Variants in FBP1 observed in about 807,000 individuals in gnomAD.
The protein encoded by FBP1 is fructose-bisphosphatase 1, also known as fructose-1,6-bisphosphatase 1.
Under a neutral mutation model 29.9 loss-of-function variants are expected in FBP1, and 22 were observed. That is an observed-to-expected ratio of 0.74 (90% CI 0.53 to 1.05). The LOEUF is 1.05. Ranked by LOEUF, FBP1 falls within the 50% of genes least tolerant of loss-of-function variation. The probability of loss-of-function intolerance (pLI) is 0.00; values close to 1 mark genes in which losing one functional copy is unlikely to be tolerated. For synonymous variants in FBP1, 175 were observed against 178.6 expected (o/e 0.98, Z 0.16); for missense variants, 345 against 448.2 (o/e 0.77, Z 2.08).
At chr9:94,615,968 C>T (rs1285794489) in intron 3 of FBP1, among the ~76,000 whole-genome samples, 1 of 152,068 alleles carries the variant, frequency 6.6e-6, no homozygotes, top group Admixed American at 6.6e-5. Flanking sequence ...CCTGGGACTA[C>T]AGGCGCCCGC....
At chr9:94,638,635 G>A (rs201419601) in intron 1 of FBP1, among the ~76,000 whole-genome samples, 1 of 41,626 alleles carries the variant, frequency 2.4e-5, no homozygotes, top group South Asian at 4.6e-4. Flanking sequence ...CGGGGGGGGC[G>A]GGGGGGACAC....
intron 3 of FBP1, among the ~76,000 whole-genome samples, chr9:94,610,932 C>T (rs1042770831): frequency 3.3e-5 from 5 of 150,552 alleles, no homozygotes; most frequent in Admixed American, 6.7e-5. Flanking sequence ...GGTGCTATCT[C>T]GGCTCACTGC....
At chr9:94,629,285 T>G (rs147875017) in intron 1 of FBP1, among the ~76,000 whole-genome samples, 1 of 152,092 alleles carries the variant, frequency 6.6e-6, no homozygotes, top group East Asian at 1.9e-4. Context: ...TGGCCAAAGG[T>G]TTTTTTTAAT....
At chr9:94,611,899 CATA>C (rs2131479068) in intron 3 of FBP1, among the ~76,000 whole-genome samples, 1 of 152,282 alleles carries the variant, frequency 6.6e-6, no homozygotes, top group East Asian at 1.9e-4. Flanking sequence ...CACATTCAAG[CATA>C]ACAACTACTC....
chr9:94,624,485 T>C lies in FBP1; in HGVS notation c.171-3994A>G, dbSNP rs1827995419. Among the ~76,000 whole-genome samples, 2 of 151,868 alleles carry C rather than the reference T, an allele frequency of 1.3e-5. 1 individual carries two copies. The highest frequency in any genetic ancestry group is 2.9e-5 in the Non-Finnish European group (2 of 68,012). ...CTGACCAATATGGTGAAGTCCTATC[T>C]CTACTAAATACATAAAAATTAGCTG... On this transcript the variant is annotated intron_variant, in intron 1 of 6. Coordinates refer to ENST00000375326, the MANE Select transcript of FBP1 (RefSeq NM_000507.4).
intron 2 of FBP1, among the ~76,000 whole-genome samples, chr9:94,618,455 TAAAAAAAAAAAAAAAA>T (rs59806476): frequency 5.4e-5 from 4 of 74,600 alleles, no homozygotes; most frequent in East Asian, 3.9e-4. Context: ...ACTCCTTCTG[TAAAAAAAAAAAAAAAA>T]AAAAAAAAAA....
intron 1 of FBP1, among the ~76,000 whole-genome samples, chr9:94,638,815 T>C (rs28382862): frequency 0.066 from 9,986 of 152,078 alleles, 1,132 homozygotes; most frequent in African/African-American, 0.23. Context: ...GCAGGCCAGG[T>C]GCCCACACTT....
chr9:94,604,987 G>T (rs915469041), intron 6 of FBP1, among the ~76,000 whole-genome samples: 3 of 152,192 alleles, frequency 2.0e-5, no homozygotes, highest in Non-Finnish European at 2.9e-5. Flanking sequence ...TTTCCCCAGA[G>T]ATTCTTTCCT....
At chr9:94,632,261 G>A (rs1242257759) in intron 1 of FBP1, among the ~76,000 whole-genome samples, 2 of 152,112 alleles carry the variant, frequency 1.3e-5, no homozygotes, top group Non-Finnish European at 2.9e-5. Flanking sequence ...ACTCTTGGGT[G>A]CAACATTGTT....
At chr9:94,640,145 G>C (rs1338508914), upstream of FBP1, 6 of 152,146 alleles carry the variant, frequency 3.9e-5, no homozygotes, top group African/African-American at 1.4e-4. Context: ...TGTGAGTCTC[G>C]CCCGGAAGTT....
chr9:94,612,908 C>T (rs886302972), intron 3 of FBP1, among the ~76,000 whole-genome samples: 1 of 152,170 alleles, frequency 6.6e-6, no homozygotes, highest in African/African-American at 2.4e-5. Context: ...ATATTCCATT[C>T]TCCTGCAGAT....
chr9:94,605,820 G>T (rs1355796492), intron 5 of FBP1, among the ~76,000 whole-genome samples: 1 of 152,168 alleles, frequency 6.6e-6, no homozygotes, highest in Non-Finnish European at 1.5e-5. Flanking sequence ...ACGAGGGTAT[G>T]GTTGATTCTG....
chr9:94,629,921 C>G lies in FBP1; in HGVS notation c.170+9220G>C, dbSNP rs529367293. Among the ~76,000 whole-genome samples, 60 of 152,266 alleles carry G rather than the reference C, an allele frequency of 3.9e-4. 1 individual carries two copies. In the South Asian group the frequency reaches 0.012, roughly 31 times the overall value. Reference sequence around the variant, plus strand: ...CTCTGAGCTCACCTCACCTGTTGGGCCATCCTGAGGATGGCACAGCCCTCT... The same window carrying G: ...CTCTGAGCTCACCTCACCTGTTGGGGCATCCTGAGGATGGCACAGCCCTCT... On this transcript the variant is annotated intron_variant, in intron 1 of 6. Transcript: ENST00000375326.
intron 6 of FBP1, 119 bp from the exon 7 acceptor site, chr9:94,603,691 T>C (rs1827649199): frequency 7.5e-6 from 7 of 934,990 alleles, no homozygotes; most frequent in Non-Finnish European, 1.2e-5. Flanking sequence ...GAATACTGTA[T>C]TTTTCCTTCC....
intron 3 of FBP1, among the ~76,000 whole-genome samples, chr9:94,615,888 C>A (rs4077248): frequency 0.1 from 15,371 of 150,130 alleles, 2,672 homozygotes; most frequent in African/African-American, 0.36. Context: ...AGTCCAGTAG[C>A]GCGATCTTGG....
chr9:94,612,724 T>C (rs1032588196), intron 3 of FBP1, among the ~76,000 whole-genome samples: 1 of 145,004 alleles, frequency 6.9e-6, no homozygotes, highest in African/African-American at 2.6e-5. Context: ...GCCTGGCTAA[T>C]TTTTTTTTTT....
intron 1 of FBP1, among the ~76,000 whole-genome samples, chr9:94,620,995 T>C (rs10124577): frequency 0.88 from 134,440 of 151,930 alleles, 59,607 homozygotes; most frequent in East Asian, 0.96. Flanking sequence ...GGGTGGATCA[T>C]GAGGTCAGGG....
intron 1 of FBP1, among the ~76,000 whole-genome samples, chr9:94,636,260 G>T (rs961838933): frequency 1.3e-5 from 2 of 151,888 alleles, no homozygotes; most frequent in Admixed American, 1.3e-4. Flanking sequence ...TGGGCAGATC[G>T]CTTGAGCCCA....
Position 94,608,275 on chromosome 9 carries a change from G to A in FBP1, c.568-1323C>T, listed in dbSNP as rs28369745. 1.7e-3 allele frequency among the ~76,000 whole-genome samples: 258 copies of A among 152,346 alleles called. 1 individual carries two copies. The East Asian group carries it at 0.019, about 11-fold the overall frequency. ...GGAAGCACTTAGCACCTCCCTGGCG[G>A]GAGGCTCAGCCCCGTCAGGCACCGC... On this transcript the variant is annotated intron_variant, in intron 4 of 6. Coordinates refer to ENST00000375326, the MANE Select transcript of FBP1 (RefSeq NM_000507.4).
Sources: allele counts gnomAD v4.1 joint callset (sites outside exome capture counted in the v4.1 genomes callset), GRCh38; gene constraint gnomAD v4.1.1; transcripts MANE v1.5; gene names NCBI Gene and HGNC (gene_info 2026-07-23, HGNC 2026-07-21).